Variants in BFSP2 observed in about 807,000 individuals in gnomAD.
BFSP2 encodes the protein beaded filament structural protein 2, also known as phakinin.
Under a neutral mutation model 44.9 loss-of-function variants are expected in BFSP2, and 38 were observed. The ratio of observed to expected loss-of-function variants is 0.85; its 90% CI spans 0.65 to 1.11. The LOEUF (loss-of-function observed/expected upper bound fraction) is 1.11. Among genes scored for constraint, BFSP2 ranks in the 50% least tolerant of loss-of-function variants. BFSP2 has a pLI of 0.00. For missense variants in BFSP2, 525 were observed against 533.0 expected (o/e 0.99, Z 0.15); for synonymous variants, 197 against 209.9 (o/e 0.94, Z 0.53).
intron 1 of BFSP2, among the ~76,000 whole-genome samples, chr3:133,427,070 T>C (rs2107900453): frequency 6.6e-6 from 1 of 152,324 alleles, no homozygotes; most frequent in South Asian, 2.1e-4. Context: ...CATGCATGAC[T>C]CCTGGTTTAA....
At chr3:133,415,054 T>C (rs1308626861) in intron 1 of BFSP2, among the ~76,000 whole-genome samples, 15 of 77,938 alleles carry the variant, frequency 1.9e-4, no homozygotes, top group Admixed American at 5.7e-4. Flanking sequence ...TTCTATTCAC[T>C]CCTGTCCTCT....
chr3:133,450,530 C>T lies in BFSP2; in HGVS notation c.891+66C>T, dbSNP rs567497534. The T allele has an allele frequency of 3.2e-5, 50 of 1,574,778 alleles. No homozygotes were observed. The African/African-American group carries it at 6.1e-4, about 19-fold the overall frequency. ...GAAGGAGGCCACGCTGAGCTGCAAA[C>T]TAGTCAATGTGCAGACGAAGAAATA... On this transcript the variant is annotated intron_variant, in intron 4 of 6. Transcript: ENST00000302334.
chr3:133,422,460 C>A (rs865968351), intron 1 of BFSP2, among the ~76,000 whole-genome samples: 5 of 152,222 alleles, frequency 3.3e-5, no homozygotes, highest in East Asian at 1.9e-4. Flanking sequence ...TTCTGTGTAC[C>A]CTGAGATGAA....
At chr3:133,416,578 C>T (rs2073532495) in intron 1 of BFSP2, among the ~76,000 whole-genome samples, 1 of 144,934 alleles carries the variant, frequency 6.9e-6, no homozygotes, top group African/African-American at 2.6e-5. Flanking sequence ...CTACTAACCC[C>T]TTCCATCTCC....
chr3:133,449,266 C>T (rs1158187196), intron 3 of BFSP2: 2 of 153,282 alleles, frequency 1.3e-5, no homozygotes, highest in South Asian at 2.1e-4. Flanking sequence ...CAACTGTAAG[C>T]CCATTTCTTC....
chr3:133,456,515 G>T (rs1371991346), intron 4 of BFSP2, among the ~76,000 whole-genome samples: 1 of 152,188 alleles, frequency 6.6e-6, no homozygotes, highest in Admixed American at 6.5e-5. Context: ...GGGAGGTCAA[G>T]GTGGGCAGAT....
intron 5 of BFSP2, among the ~76,000 whole-genome samples, chr3:133,468,050 G>C (rs570537861): frequency 3.9e-5 from 6 of 152,312 alleles, no homozygotes; most frequent in African/African-American, 1.2e-4. Flanking sequence ...TTTCTAGGGG[G>C]ATCCAATGTG....
rs1559986697 is a variant in BFSP2 at position 133,472,563 on chromosome 3, CG to C, written c.1244+1del. Reference sequence around the variant, plus strand: ...ACGCCCTGCTGGACAGGGAGGAGAGCGGGTAAGCCTCGCTTCCGCGTCAATT... The same window carrying C: ...ACGCCCTGCTGGACAGGGAGGAGAGCGGTAAGCCTCGCTTCCGCGTCAATT... ...YHALLDREES[G>X] On this transcript the variant is annotated frameshift_variant and splice_region_variant, in exon 6 of 7. Transcript: ENST00000302334. LOFTEE classifies it high-confidence loss of function. 23 of 1,611,606 alleles carry C rather than the reference CG, an allele frequency of 1.4e-5. No individual in the cohort carries two copies. The highest frequency in any genetic ancestry group is 1.9e-5 in the Non-Finnish European group (23 of 1,179,752).
chr3:133,461,156 G>A (rs114175051), intron 4 of BFSP2, among the ~76,000 whole-genome samples: 1 of 152,274 alleles, frequency 6.6e-6, no homozygotes, highest in Non-Finnish European at 1.5e-5. Context: ...AGCAAAGTGG[G>A]TCAGGCTTGG....
chr3:133,440,586 C>T (rs541917728), intron 1 of BFSP2, among the ~76,000 whole-genome samples: 6 of 152,070 alleles, frequency 3.9e-5, no homozygotes, highest in Non-Finnish European at 8.8e-5. Context: ...AGCAAGCCCT[C>T]GTATTTCTGA....
intron 1 of BFSP2, among the ~76,000 whole-genome samples, chr3:133,427,308 C>T (rs1209777598): frequency 6.6e-6 from 1 of 152,210 alleles, no homozygotes; most frequent in African/African-American, 2.4e-5. Context: ...TTCTCCGTAG[C>T]TGTATCCTCT....
chr3:133,416,742 C>A (rs2073535604), intron 1 of BFSP2, among the ~76,000 whole-genome samples: 1 of 139,270 alleles, frequency 7.2e-6, no homozygotes, highest in African/African-American at 2.7e-5. Flanking sequence ...CTTGCCCTCT[C>A]ACCTCTACTC....
chr3:133,424,262 G>A (rs542266698), intron 1 of BFSP2, among the ~76,000 whole-genome samples: 2 of 76,550 alleles, frequency 2.6e-5, no homozygotes, highest in South Asian at 9.7e-4. Context: ...TAGAGATGGA[G>A]TTTCGCCTTC....
intron 4 of BFSP2, among the ~76,000 whole-genome samples, chr3:133,452,437 A>T (rs1490204872): frequency 6.6e-6 from 1 of 152,194 alleles, no homozygotes; most frequent in East Asian, 1.9e-4. Context: ...GAGCCTAGTT[A>T]TTCAAAAAAT....
chr3:133,453,800 G>A (rs1342433916), intron 4 of BFSP2, among the ~76,000 whole-genome samples: 6 of 152,222 alleles, frequency 3.9e-5, no homozygotes, highest in Non-Finnish European at 8.8e-5. Context: ...GCATCTGCTA[G>A]AACTTATCTG....
chr3:133,418,022 GTCCTCTCCCCTCTACTCATCCCTA>G (rs71136467), intron 1 of BFSP2, among the ~76,000 whole-genome samples: 8,989 of 116,552 alleles, frequency 0.077, 545 homozygotes, highest in Non-Finnish European at 0.098. Flanking sequence ...ACTCACCCCT[GTCCTCTCCCCTCTACTCATCCCTA>G]TCCTCTCCCC....
At chr3:133,409,078 C>T (rs747785569) in intron 1 of BFSP2, among the ~76,000 whole-genome samples, 8 of 152,142 alleles carry the variant, frequency 5.3e-5, no homozygotes, top group Non-Finnish European at 1.2e-4. Context: ...CATAGTCACA[C>T]GAAGAAGAAC....
At chr3:133,417,618 C>T in intron 1 of BFSP2, among the ~76,000 whole-genome samples, 1 of 144,180 alleles carries the variant, frequency 6.9e-6, no homozygotes, top group South Asian at 2.3e-4. Context: ...CTACTCACTC[C>T]TGCCATTTCC....
intron 1 of BFSP2, among the ~76,000 whole-genome samples, chr3:133,434,121 C>T (rs778767365): frequency 1.3e-5 from 2 of 152,224 alleles, no homozygotes; most frequent in Non-Finnish European, 2.9e-5. Flanking sequence ...CCACTCTAAA[C>T]TCTTGAAGTA....
Sources: gnomAD v4.1 joint callset for allele counts (sites outside exome capture counted in the v4.1 genomes callset) on GRCh38, gnomAD v4.1.1 for gene constraint, MANE v1.5 for transcripts, NCBI Gene and HGNC (gene_info 2026-07-23, HGNC 2026-07-21) for gene names.